Variants in ZFP64 observed in about 807,000 individuals in gnomAD.
The protein encoded by ZFP64 is zinc finger protein 64.
In ZFP64, 14 loss-of-function variants were observed where a neutral mutation model predicts 51.6. That is an observed-to-expected ratio of 0.27 (90% CI 0.18 to 0.42). ZFP64 has a LOEUF of 0.42. Among genes scored for constraint, ZFP64 ranks in the 10% least tolerant of loss-of-function variants. ZFP64 has a pLI of 1.00. For missense variants in ZFP64, 754 were observed against 906.8 expected (o/e 0.83, Z 2.16); for synonymous variants, 375 against 361.4 (o/e 1.04, Z -0.43).
chr20:52,135,249 A>G (rs189839964), intron 5 of ZFP64, among the ~76,000 whole-genome samples: 4 of 152,322 alleles, frequency 2.6e-5, no homozygotes, highest in African/African-American at 9.6e-5. Flanking sequence ...TGAAATCTCA[A>G]TGCCTATGAA....
chr20:52,091,449 TAAA>T (rs1189439567), intron 7 of ZFP64, among the ~76,000 whole-genome samples: 7 of 152,054 alleles, frequency 4.6e-5, no homozygotes, highest in Non-Finnish European at 1.5e-5. Context: ...GAAAAATGCT[TAAA>T]AAAAGTAGGA....
Position 52,117,962 on chromosome 20 carries a change from A to AT in ZFP64, c.764-19376dup, listed in dbSNP as rs918196172. On this transcript the variant is annotated intron_variant, in intron 5 of 8. Transcript: ENST00000361387. The stretch of plus-strand genomic sequence containing the variant: ...AAGTGCACACCACAGCACCCAGCAT[A>AT]TTTTTTTTTTGGTTTGGGAGAGACA... Among the ~76,000 whole-genome samples the AT allele has an allele frequency of 1.8e-4, 27 of 147,558 alleles. 1 individual carries two copies. The highest frequency in any genetic ancestry group is 1.5e-3 in the South Asian group (7 of 4,620).
At chr20:52,168,891 A>G (rs1982492763) in intron 2 of ZFP64, among the ~76,000 whole-genome samples, 1 of 152,262 alleles carries the variant, frequency 6.6e-6, no homozygotes, top group Admixed American at 6.5e-5. Flanking sequence ...AGCTGAGGTA[A>G]GAAAAATGTG....
intron 5 of ZFP64, among the ~76,000 whole-genome samples, chr20:52,131,496 A>C (rs1979720929): frequency 6.6e-6 from 1 of 152,192 alleles, no homozygotes; most frequent in Admixed American, 6.5e-5. Context: ...TCCCCTAAAC[A>C]CACATAGGCT....
At chr20:52,101,713 G>A (rs967171696) in intron 5 of ZFP64, among the ~76,000 whole-genome samples, 2 of 151,742 alleles carry the variant, frequency 1.3e-5, no homozygotes, top group African/African-American at 4.8e-5. Flanking sequence ...CTGACCTCAG[G>A]GCCTTGCATT....
intron 7 of ZFP64, among the ~76,000 whole-genome samples, chr20:52,094,594 A>G (rs1326477808): frequency 6.6e-6 from 1 of 152,130 alleles, no homozygotes; most frequent in Non-Finnish European, 1.5e-5. Context: ...CCTCGTCACT[A>G]CAAAATAAAA....
At chr20:52,120,850 T>A (rs1014772861) in intron 5 of ZFP64, among the ~76,000 whole-genome samples, 15 of 151,930 alleles carry the variant, frequency 9.9e-5, no homozygotes, top group African/African-American at 3.6e-4. Flanking sequence ...ATAATTCTTG[T>A]ATTTTTAGTA....
At chr20:52,125,671 C>T (rs1366256707) in intron 5 of ZFP64, among the ~76,000 whole-genome samples, 2 of 152,102 alleles carry the variant, frequency 1.3e-5, no homozygotes, top group Admixed American at 6.6e-5. Context: ...GTACCATGTG[C>T]GGTGGGTCAC....
At chr20:52,133,958 G>A (rs971646360) in intron 5 of ZFP64, among the ~76,000 whole-genome samples, 1 of 151,384 alleles carries the variant, frequency 6.6e-6, no homozygotes, top group African/African-American at 2.4e-5. Context: ...GAGCCCGGGA[G>A]GTGGAGGTTG....
chr20:52,136,696 T>C (rs536338050), intron 5 of ZFP64, among the ~76,000 whole-genome samples: 110 of 152,228 alleles, frequency 7.2e-4, no homozygotes, highest in African/African-American at 2.4e-3. Context: ...AAAACACCAG[T>C]ACCTTGCTTA....
At position 52,152,959 on chromosome 20, in the gene ZFP64, C is replaced by T; in HGVS notation, c.1233G>A (p.Gln411=). Residue 411 remains glutamine, a synonymous_variant, in exon 6 of 6, where the codon CAG becomes CAA. Transcript: ENST00000216923. ...CCAGCTTGGCCACCTGCCGGCTGCT[C>T]TGCCTGCCGGTGTCCTTCCTCTCTA... ...EALERKDTGR[Q]SSRQVAKLDA... 6.2e-7 allele frequency: 1 copy of T among 1,613,818 alleles called. No homozygotes were observed.
In ZFP64 at chr20:52,186,895, C is replaced by G. The variant is rs200370431; in HGVS notation, c.223G>C (p.Val75Leu). Residue 75 changes from valine to leucine, a missense_variant, in exon 2 of 6, where the codon GTG becomes CTG. Physicochemically the swap from Val to Leu is conservative, Grantham distance 32. Transcript: ENST00000216923. ...GTGGTCTGAGTCTGGGTGGCAGGCA[C>G]TGTTTCCTCCGATACAAACTGGACC... ...STVQFVSEET[V>L]PATQTQTTTR... 37 of 1,613,916 alleles carry G rather than the reference C, an allele frequency of 2.3e-5. No homozygotes were observed. In the Admixed American group the frequency reaches 5.8e-4, roughly 25 times the overall value.
chr20:52,119,206 G>A (rs1412106529), intron 5 of ZFP64, among the ~76,000 whole-genome samples: 1 of 151,754 alleles, frequency 6.6e-6, no homozygotes, highest in African/African-American at 2.4e-5. Flanking sequence ...TTCAGGTAGG[G>A]GGACAGCTTG....
At chr20:52,088,795 G>T in intron 7 of ZFP64, 2 of 989,574 alleles carry the variant, frequency 2.0e-6, no homozygotes, top group East Asian at 2.4e-5. Context: ...TCAGCATATT[G>T]GGAAACAAGA....
intron 5 of ZFP64, among the ~76,000 whole-genome samples, chr20:52,156,943 A>T (rs1981371161): frequency 6.6e-6 from 1 of 152,222 alleles, no homozygotes; most frequent in African/African-American, 2.4e-5. Context: ...GACAAACTCA[A>T]AAAAAGAACT....
chr20:52,169,975 C>A (rs1355689707), intron 2 of ZFP64, among the ~76,000 whole-genome samples: 1 of 151,556 alleles, frequency 6.6e-6, no homozygotes, highest in East Asian at 1.9e-4. Flanking sequence ...ATCGCTTGAA[C>A]CTGGGAGGCA....
chr20:52,105,241 G>T (rs749029622), intron 5 of ZFP64: 26 of 1,334,138 alleles, frequency 1.9e-5, no homozygotes, highest in Non-Finnish European at 2.0e-5. Flanking sequence ...GCGACATGGC[G>T]CGAGGACCGG....
chr20:52,088,096 C>G (rs1357681183), intron 8 of ZFP64, among the ~76,000 whole-genome samples: 1 of 152,160 alleles, frequency 6.6e-6, no homozygotes, highest in Non-Finnish European at 1.5e-5. Flanking sequence ...ACTGAAACAT[C>G]TAGTTTATAG....
chr20:52,185,486 C>T lies in ZFP64; in HGVS notation c.286+1346G>A, dbSNP rs574601608. 5.5e-3 allele frequency among the ~76,000 whole-genome samples: 834 copies of T among 151,874 alleles called. 6 individuals are homozygous for T. The highest frequency in any genetic ancestry group is 0.018 in the African/African-American group (752 of 41,334). On this transcript the variant is annotated intron_variant, in intron 2 of 5. Coordinates refer to ENST00000216923, the MANE Select transcript of ZFP64 (RefSeq NM_018197.3). ...TATCCCCAGAAAATGAAATCAGTGT[C>T]CTTCCTCAAGCCTTGTTTTGATTTA...
Sources: gnomAD v4.1 joint callset for allele counts (sites outside exome capture counted in the v4.1 genomes callset) on GRCh38, gnomAD v4.1.1 for gene constraint, MANE v1.5 for transcripts, NCBI Gene and HGNC (gene_info 2026-07-23, HGNC 2026-07-21) for gene names.